The following CX3CL1 variants were observed in gnomAD, a reference collection of about 807,000 sequenced individuals.
CX3CL1 encodes fractalkine.
Under a neutral mutation model 14.1 loss-of-function variants are expected in CX3CL1, and 1 was observed. The observed-to-expected ratio is 0.07, with a 90% CI of 0.03 to 0.34. The LOEUF (loss-of-function observed/expected upper bound fraction) is 0.34. Among genes scored for constraint, CX3CL1 ranks in the 10% least tolerant of loss-of-function variants. The pLI is 0.99. For missense variants in CX3CL1, 505 were observed against 536.4 expected (o/e 0.94, Z 0.58); for synonymous variants, 255 against 229.6 (o/e 1.11, Z -1.00).
chr16:57,379,511 A>T, intron 1 of CX3CL1, 123 bp from the exon 2 acceptor site: 1 of 1,242,776 alleles, frequency 8.0e-7, no homozygotes, highest in South Asian at 1.5e-5. Context: ...AAAGGCCTTG[A>T]AGGCCAGGGT....
intron 2 of CX3CL1, among the ~76,000 whole-genome samples, chr16:57,381,738 T>A (rs1389587780): frequency 6.6e-6 from 1 of 152,136 alleles, no homozygotes; most frequent in Non-Finnish European, 1.5e-5. Flanking sequence ...TCCCCAGTTT[T>A]AAAATGGAAA....
chr16:57,383,150 G>A lies in CX3CL1; in HGVS notation c.*118G>A, dbSNP rs2146516727. The A allele has an allele frequency of 1.1e-6, 1 of 928,440 alleles. No homozygotes were observed. Among genetic ancestry groups the A allele is most frequent in the Non-Finnish European group, 1.5e-6 (1 of 682,444 alleles). 57.5% of individuals were successfully genotyped at this position (928,440 alleles called of 1,614,324 possible). A position where few individuals can be genotyped will look rare whatever the true frequency, so the allele number is the denominator to read the frequency against. ...CTGGGATGATTGGAGGGGGGAGGTG[G>A]GATCCTCCAGGTGCACAAGCTCCAA... On this transcript the variant is annotated 3_prime_UTR_variant, in exon 3 of 3. Coordinates refer to ENST00000006053, the MANE Select transcript of CX3CL1 (RefSeq NM_002996.6).
intron 2 of CX3CL1, 113 bp downstream of exon 2, chr16:57,379,867 G>A: frequency 3.9e-6 from 5 of 1,291,036 alleles, no homozygotes; most frequent in Non-Finnish European, 5.5e-6. Context: ...CCCAGCCAAA[G>A]GCCTCAGCAC....
intron 2 of CX3CL1, 33 bp downstream of exon 2, chr16:57,379,787 C>T: frequency 6.2e-7 from 1 of 1,612,332 alleles, no homozygotes. Context: ...CTGAAATCCC[C>T]TTTGGGCCCT....
intron 1 of CX3CL1, among the ~76,000 whole-genome samples, chr16:57,376,565 T>C (rs1219211537): frequency 6.9e-6 from 1 of 145,276 alleles, no homozygotes; most frequent in Non-Finnish European, 1.5e-5. Context: ...GAAGAAGGGA[T>C]GGGGAGGGGA....
Position 57,381,899 on chromosome 16 carries a change from G to A in CX3CL1, c.192-131G>A, listed in dbSNP as rs1350095044. The A allele has an allele frequency of 1.3e-5, 13 of 984,016 alleles. No individual in the cohort carries two copies. In the East Asian group the frequency reaches 1.4e-4, roughly 11 times the overall value. 61.0% of individuals were successfully genotyped at this position (984,016 alleles called of 1,614,324 possible). A position where few individuals can be genotyped will look rare whatever the true frequency, so the allele number is the denominator to read the frequency against. ...CCAGCTGGTCAGTTGCCTCACAGAC[G>A]CTAAGTGGGAGGACAGGGTTTCCAG... On this transcript the variant is annotated intron_variant, in intron 2 of 2. Coordinates refer to ENST00000006053, the MANE Select transcript of CX3CL1 (RefSeq NM_002996.6).
At position 57,382,533 on chromosome 16, in the gene CX3CL1, C is replaced by T; in HGVS notation, c.695C>T (p.Ser232Phe). The T allele has an allele frequency of 1.9e-6, 3 of 1,613,878 alleles. No homozygotes were observed. Among genetic ancestry groups the T allele is most frequent in the Non-Finnish European group, 2.5e-6 (3 of 1,179,942 alleles). Residue 232 changes from serine (S) to phenylalanine (F), a missense_variant, in exon 3 of 3, where the codon TCC becomes TTC. By Grantham distance (155) the Ser-to-Phe change is radical. Coordinates refer to ENST00000006053, the MANE Select transcript of CX3CL1 (RefSeq NM_002996.6). The surrounding 1 kb of genome is among the most constrained non-coding windows in gnomAD (Gnocchi z 6.9). ...CCCTCCACCCAGGCCTCCACTGCGTCCTCCCCAGCCCCAGAGGAGAATGCT... is the reference window on the plus strand; with the variant it reads ...CCCTCCACCCAGGCCTCCACTGCGTTCTCCCCAGCCCCAGAGGAGAATGCT... ...QDPSTQASTASSPAPEENAPS... is the reference protein window; with the variant it reads ...QDPSTQASTAFSPAPEENAPS...
chr16:57,382,947 G>A lies in CX3CL1; in HGVS notation c.1109G>A (p.Arg370Gln), dbSNP rs528085341. Residue 370 changes from arginine to glutamine, a missense_variant, in exon 3 of 3, where the codon CGA becomes CAA. Arg to Gln is a conservative substitution (Grantham distance 43). Transcript: ENST00000006053. This position sits in a 1 kb window ranked among gnomAD's most constrained non-coding sequence, Gnocchi z 6.9. ...FTYQSLQGCP[R>Q]KMAGEMAEGL... ...TACCAGAGCCTCCAGGGCTGCCCTC[G>A]AAAGATGGCAGGAGAGATGGCGGAG... The A allele has an allele frequency of 7.9e-6, 12 of 1,520,578 alleles. No homozygotes were observed. The highest frequency in any genetic ancestry group is 5.3e-5 in the South Asian group (4 of 76,182). 94.2% of individuals were successfully genotyped at this position (1,520,578 alleles called of 1,614,324 possible). A position where few individuals can be genotyped will look rare whatever the true frequency, so the allele number is the denominator to read the frequency against.
Position 57,372,537 on chromosome 16 carries a change from GC to G in CX3CL1, c.-27del. ...CCGCCTGGCTCTAGCCGCCTGCCTG[GC>G]CCCCGCCGGGACTCTTGCCCACCCT... On this transcript the variant is annotated 5_prime_UTR_variant, in exon 1 of 3. Transcript: ENST00000006053. The G allele has an allele frequency of 6.2e-7, 1 of 1,605,214 alleles. No individual in the cohort carries two copies. The highest frequency in any genetic ancestry group is 8.5e-7 in the Non-Finnish European group (1 of 1,177,454).
chr16:57,381,099 C>T (rs1902314383), intron 2 of CX3CL1, among the ~76,000 whole-genome samples: 1 of 152,200 alleles, frequency 6.6e-6, no homozygotes, highest in Non-Finnish European at 1.5e-5. Flanking sequence ...TACTTGCTTC[C>T]TGGACTTCTC....
intron 2 of CX3CL1, among the ~76,000 whole-genome samples, chr16:57,379,973 G>A (rs1349281537): frequency 6.6e-6 from 1 of 152,222 alleles, no homozygotes; most frequent in East Asian, 1.9e-4. Context: ...ATGGCCCAGT[G>A]TGGCTGGGTG....
chr16:57,379,739 G>A lies in CX3CL1; in HGVS notation c.176G>A (p.Gly59Asp), dbSNP rs763000072. 1 of 1,614,232 alleles carries A rather than the reference G, an allele frequency of 6.2e-7. No individual in the cohort carries two copies. The highest frequency in any genetic ancestry group is 1.7e-5 in the Admixed American group (1 of 60,020). Residue 59 changes from glycine to aspartate, a missense_variant, in exon 2 of 3, where the codon GGC becomes GAC. Transcript: ENST00000006053. ...TATCAACAGAACCAGGCATCATGCGGCAAACGCGCAATCATGTAGGTACTG... is the reference window on the plus strand; with the variant it reads ...TATCAACAGAACCAGGCATCATGCGACAAACGCGCAATCATGTAGGTACTG... ...IHYQQNQASC[G>D]KRAIILETRQ...
rs754248062 is a variant in CX3CL1 at position 57,382,525 on chromosome 16, C to G, written c.687C>G (p.Ser229=). The change falls in exon 3 of 3, where the codon TCC becomes TCG. Residue 229 remains serine (S), a synonymous_variant. Transcript: ENST00000006053. This position sits in a 1 kb window ranked among gnomAD's most constrained non-coding sequence, Gnocchi z 6.9. ...CCCAGGACCCCTCCACCCAGGCCTC[C>G]ACTGCGTCCTCCCCAGCCCCAGAGG... ...PSTQDPSTQA[S]TASSPAPEEN... The G allele has an allele frequency of 2.5e-6, 4 of 1,613,770 alleles. No individual in the cohort carries two copies. Among genetic ancestry groups the G allele is most frequent in the Non-Finnish European group, 2.5e-6 (3 of 1,179,938 alleles).
At chr16:57,378,783 A>T (rs1250994400) in intron 1 of CX3CL1, 1 of 150,620 alleles carries the variant, frequency 6.6e-6, no homozygotes, top group East Asian at 2.0e-4. Context: ...TCTTGAGCCC[A>T]GGATTTTGAG....
intron 1 of CX3CL1, chr16:57,377,258 C>T: frequency 6.6e-6 from 1 of 152,230 alleles, no homozygotes; most frequent in East Asian, 1.9e-4. Flanking sequence ...ACCTGCAGGC[C>T]ATTTTAGGGG....
At position 57,382,575 on chromosome 16, in the gene CX3CL1, G is replaced by C. The variant is rs150690781; in HGVS notation, c.737G>C (p.Arg246Pro). 1 of 1,614,024 alleles carries C rather than the reference G, an allele frequency of 6.2e-7. No homozygotes were observed. The highest frequency in any genetic ancestry group is 1.1e-5 in the South Asian group (1 of 91,076). Residue 246 changes from arginine (R) to proline (P), a missense_variant, in exon 3 of 3, where the codon CGT (arginine) becomes CCT (proline). By Grantham distance (103) the Arg-to-Pro change is moderately radical (BLOSUM62 -2). Transcript: ENST00000006053. The surrounding 1 kb of genome is among the most constrained non-coding windows in gnomAD (Gnocchi z 6.9). ...GAGAATGCTCCGTCTGAAGGCCAGC[G>C]TGTGTGGGGTCAGGGACAGAGCCCC... is the stretch of plus-strand genomic sequence containing the variant. ...PEENAPSEGQ[R>P]VWGQGQSPRP...
chr16:57,383,052 A>G lies in CX3CL1; in HGVS notation c.*20A>G, dbSNP rs1345667559. 5.7e-6 allele frequency: 8 copies of G among 1,395,246 alleles called. No homozygotes were observed. The highest frequency in any genetic ancestry group is 7.5e-6 in the Non-Finnish European group (8 of 1,066,644). 86.4% of individuals were successfully genotyped at this position (1,395,246 alleles called of 1,614,324 possible). A position where few individuals can be genotyped will look rare whatever the true frequency, so the allele number is the denominator to read the frequency against. ...GTGTGAACTCCTCTGGCCTGTGTCT[A>G]GTTGTTTGATTCAGACAGCTGCCTG... On this transcript the variant is annotated 3_prime_UTR_variant, in exon 3 of 3. Transcript: ENST00000006053.
intron 2 of CX3CL1, among the ~76,000 whole-genome samples, chr16:57,381,180 AATGGGG>A (rs1472911473): frequency 1.3e-5 from 2 of 152,076 alleles, no homozygotes; most frequent in Admixed American, 6.5e-5. Flanking sequence ...TCATCTGTAA[AATGGGG>A]ATGAGCCTGG....
At position 57,372,601 on chromosome 16, in the gene CX3CL1, C is replaced by T. The variant is rs1242989390; in HGVS notation, c.33C>T (p.Arg11=). 2 of 1,613,572 alleles carry T rather than the reference C, an allele frequency of 1.2e-6. No individual in the cohort carries two copies. The highest frequency in any genetic ancestry group is 2.2e-5 in the South Asian group (2 of 91,088). ...CGATATCTCTGTCGTGGCTGCTCCG[C>T]TTGGCCACCTTCTGCCATCTGACTG... MAPISLSWLL[R]LATFCHLTVL... is the part of the protein sequence containing the mutation. The change falls in exon 1 of 3, where the codon CGC becomes CGT. Residue 11 remains arginine, a synonymous_variant. Transcript: ENST00000006053.
Sources: gnomAD v4.1 joint callset for allele counts (sites outside exome capture counted in the v4.1 genomes callset) on GRCh38, gnomAD v4.1.1 for gene constraint, Gnocchi (gnomAD v3.1) non-coding constraint, MANE v1.5 for transcripts, NCBI Gene and HGNC (gene_info 2026-07-23, HGNC 2026-07-21) for gene names.